ZNF521: variants seen among roughly 807,000 people sequenced by gnomAD.
The protein encoded by ZNF521 is zinc finger protein 521.
ZNF521 carries 14 observed loss-of-function variants against 105.5 expected under a neutral mutation model. That is an observed-to-expected ratio of 0.13 (90% CI 0.09 to 0.21). ZNF521 has a LOEUF of 0.21. Ranked by LOEUF, ZNF521 falls within the 10% of genes least tolerant of loss-of-function variation. ZNF521 has a pLI of 1.00. For synonymous variants in ZNF521, 635 were observed against 606.0 expected (o/e 1.05, Z -0.70); for missense variants, 1,233 against 1,629.7 (o/e 0.76, Z 4.19).
chr18:25,277,765 A>C (rs1665060820), intron 3 of ZNF521, among the ~76,000 whole-genome samples: 1 of 152,238 alleles, frequency 6.6e-6, no homozygotes, highest in African/African-American at 2.4e-5. Context: ...AATTATCTTG[A>C]ATTAACAGTT....
At chr18:25,288,580 A>G (rs1258999096) in intron 3 of ZNF521, among the ~76,000 whole-genome samples, 6 of 150,904 alleles carry the variant, frequency 4.0e-5, no homozygotes, top group South Asian at 2.1e-4. Context: ...CTTAAAAAAA[A>G]AAAAACCCAG....
At chr18:25,076,459 A>G (rs1010524369) in intron 7 of ZNF521, among the ~76,000 whole-genome samples, 1 of 152,186 alleles carries the variant, frequency 6.6e-6, no homozygotes, top group Non-Finnish European at 1.5e-5. Context: ...CTTAGGGTAA[A>G]CAAATATTGA....
chr18:25,247,303 C>G (rs1469821592), intron 3 of ZNF521, among the ~76,000 whole-genome samples: 1 of 152,090 alleles, frequency 6.6e-6, no homozygotes, highest in Admixed American at 6.5e-5. Context: ...ACAATCTTGT[C>G]GAACATATAA....
chr18:25,312,812 C>T (rs551741501), intron 3 of ZNF521, among the ~76,000 whole-genome samples: 3 of 31,234 alleles, frequency 9.6e-5, no homozygotes, highest in South Asian at 1.1e-3. Flanking sequence ...AGCGAGACTC[C>T]GTCTCAAAAA....
chr18:25,103,792 AAGGG>A (rs1257635709), intron 5 of ZNF521, among the ~76,000 whole-genome samples: 52 of 48,118 alleles, frequency 1.1e-3, no homozygotes, highest in Middle Eastern at 0.012. Flanking sequence ...GAGAGGAAGG[AAGGG>A]AGGGAGGGAG....
At chr18:25,155,297 C>T (rs1035327023) in intron 5 of ZNF521, among the ~76,000 whole-genome samples, 10 of 152,058 alleles carry the variant, frequency 6.6e-5, no homozygotes, top group South Asian at 2.1e-4. Context: ...TTAATCTTGC[C>T]TATTGACCCA....
intron 5 of ZNF521, among the ~76,000 whole-genome samples, chr18:25,114,240 C>T (rs963849588): frequency 1.3e-5 from 2 of 152,116 alleles, no homozygotes; most frequent in African/African-American, 4.8e-5. Context: ...TATAGATATC[C>T]ACAGTGCAAA....
chr18:25,280,960 C>G (rs905805660), intron 3 of ZNF521, among the ~76,000 whole-genome samples: 1 of 152,232 alleles, frequency 6.6e-6, no homozygotes, highest in East Asian at 1.9e-4. Context: ...AATCCCTTTC[C>G]GCTCATACTA....
chr18:25,189,222 G>C (rs1033976097), intron 5 of ZNF521, among the ~76,000 whole-genome samples: 3 of 152,064 alleles, frequency 2.0e-5, no homozygotes, highest in Non-Finnish European at 2.9e-5. Flanking sequence ...TGATCATATG[G>C]AGCCTTGGTA....
At chr18:25,314,319 T>C (rs959909034) in intron 3 of ZNF521, among the ~76,000 whole-genome samples, 1 of 152,172 alleles carries the variant, frequency 6.6e-6, no homozygotes, top group Non-Finnish European at 1.5e-5. Flanking sequence ...TTATTGTTCA[T>C]TGGAATGAAC....
intron 3 of ZNF521, among the ~76,000 whole-genome samples, chr18:25,280,734 C>T (rs1910314024): frequency 6.6e-6 from 1 of 152,156 alleles, no homozygotes; most frequent in Non-Finnish European, 1.5e-5. Context: ...CAATTCTTTT[C>T]TCTGTAAAAC....
chr18:25,260,309 GA>G (rs1908819038), intron 3 of ZNF521, among the ~76,000 whole-genome samples: 1 of 152,142 alleles, frequency 6.6e-6, no homozygotes, highest in South Asian at 2.1e-4. Context: ...AGGTTGGCCA[GA>G]AGGATTAAGT....
intron 3 of ZNF521, among the ~76,000 whole-genome samples, chr18:25,246,107 G>A (rs1469277676): frequency 6.6e-6 from 1 of 152,124 alleles, no homozygotes; most frequent in African/African-American, 2.4e-5. Flanking sequence ...GGATGCGTTA[G>A]GAGACATACC....
intron 5 of ZNF521, among the ~76,000 whole-genome samples, chr18:25,187,424 GTTT>G (rs200409869): frequency 6.8e-6 from 1 of 146,026 alleles, no homozygotes. Flanking sequence ...TTACCTCAGA[GTTT>G]TTTTTTTTTA....
Position 25,314,703 on chromosome 18 carries a change from C to CAGAGGGTTA in ZNF521, c.220+7296_220+7304dup, listed in dbSNP as rs1457898272. Among the ~76,000 whole-genome samples the CAGAGGGTTA allele has an allele frequency of 8.5e-5, 13 of 152,162 alleles. No individual in the cohort carries two copies. In the East Asian group the frequency reaches 2.1e-3, roughly 25 times the overall value. ...CTCATCTACCAATAGTATGGTAGAC[C>CAGAGGGTTA]AGAGGGTTAAGAACTAACACAATGC... is the stretch of plus-strand genomic sequence containing the variant. On this transcript the variant is annotated intron_variant, in intron 3 of 7. Coordinates refer to ENST00000361524, the MANE Select transcript of ZNF521 (RefSeq NM_015461.3).
intron 4 of ZNF521, among the ~76,000 whole-genome samples, chr18:25,208,656 A>G (rs985615562): frequency 2.0e-5 from 3 of 152,134 alleles, no homozygotes; most frequent in Non-Finnish European, 2.9e-5. Flanking sequence ...GCTTATAATT[A>G]TCAATTTCTA....
At chr18:25,259,791 G>A (rs949879459) in intron 3 of ZNF521, among the ~76,000 whole-genome samples, 11 of 152,184 alleles carry the variant, frequency 7.2e-5, no homozygotes, top group East Asian at 1.9e-4. Flanking sequence ...GAATGTGGTC[G>A]TGGACGCACC....
At chr18:25,270,774 T>C (rs979501292) in intron 3 of ZNF521, among the ~76,000 whole-genome samples, 4 of 152,154 alleles carry the variant, frequency 2.6e-5, no homozygotes, top group African/African-American at 9.7e-5. Flanking sequence ...ATGGAACGTA[T>C]CTCAAAATAA....
intron 3 of ZNF521, among the ~76,000 whole-genome samples, chr18:25,270,252 A>C (rs1017154266): frequency 6.6e-6 from 1 of 152,226 alleles, no homozygotes; most frequent in African/African-American, 2.4e-5. Context: ...TGAATAGACC[A>C]ATAACAAGTT....
Sources: allele counts gnomAD v4.1 joint callset (sites outside exome capture counted in the v4.1 genomes callset), GRCh38; gene constraint gnomAD v4.1.1; transcripts MANE v1.5; gene names NCBI Gene and HGNC (gene_info 2026-07-23, HGNC 2026-07-21).